DNAJC1: variants seen among roughly 807,000 people sequenced by gnomAD.
DNAJC1 encodes the protein dnaJ homolog subfamily C member 1.
In DNAJC1, 58 loss-of-function variants were observed where a neutral mutation model predicts 76.6. That is an observed-to-expected ratio of 0.76 (90% CI 0.61 to 0.94). The LOEUF (loss-of-function observed/expected upper bound fraction) is 0.94, where lower values mean the gene tolerates loss of function less well. Among genes scored for constraint, DNAJC1 ranks in the 40% least tolerant of loss-of-function variants. DNAJC1 has a pLI of 0.00. For synonymous variants in DNAJC1, 258 were observed against 267.9 expected (o/e 0.96, Z 0.36); for missense variants, 689 against 677.3 (o/e 1.02, Z -0.19).
chr10:21,950,743 T>C (rs897085181), intron 1 of DNAJC1, among the ~76,000 whole-genome samples: 5 of 152,164 alleles, frequency 3.3e-5, no homozygotes, highest in Non-Finnish European at 7.3e-5. Context: ...TGAAAAAGCC[T>C]TAATGCTCAT....
At chr10:21,906,635 G>C (rs1345374948) in intron 6 of DNAJC1, among the ~76,000 whole-genome samples, 1 of 152,088 alleles carries the variant, frequency 6.6e-6, no homozygotes, top group African/African-American at 2.4e-5. Context: ...AGTGAAATAT[G>C]GTGATTAAGA....
At chr10:21,937,199 G>T (rs1274086967) in intron 1 of DNAJC1, among the ~76,000 whole-genome samples, 1 of 152,032 alleles carries the variant, frequency 6.6e-6, no homozygotes, top group African/African-American at 2.4e-5. Flanking sequence ...GGCAAGAGAG[G>T]ATTTACTGTA....
chr10:21,843,768 C>A (rs1268445273), intron 8 of DNAJC1, among the ~76,000 whole-genome samples: 1 of 149,874 alleles, frequency 6.7e-6, no homozygotes, highest in Non-Finnish European at 1.5e-5. Flanking sequence ...AAGAGGAAGT[C>A]TCACTCTGTC....
intron 8 of DNAJC1, among the ~76,000 whole-genome samples, chr10:21,809,617 T>C (rs924162837): frequency 6.6e-6 from 1 of 151,746 alleles, no homozygotes; most frequent in African/African-American, 2.4e-5. Flanking sequence ...ATTAGATGTA[T>C]ATATCTAATA....
intron 8 of DNAJC1, among the ~76,000 whole-genome samples, chr10:21,828,441 G>A (rs1357673820): frequency 6.6e-6 from 1 of 152,210 alleles, no homozygotes; most frequent in Admixed American, 6.5e-5. Flanking sequence ...TTAAGTGAAT[G>A]CTTCAAATAT....
At chr10:21,864,006 C>T (rs1451751256) in intron 8 of DNAJC1, among the ~76,000 whole-genome samples, 1 of 151,550 alleles carries the variant, frequency 6.6e-6, no homozygotes, top group African/African-American at 2.4e-5. Context: ...AATTGAAGAC[C>T]AGCCTAAGGA....
intron 1 of DNAJC1, among the ~76,000 whole-genome samples, chr10:21,961,264 A>G (rs1339816066): frequency 6.6e-6 from 1 of 152,210 alleles, no homozygotes; most frequent in African/African-American, 2.4e-5. Flanking sequence ...TGAAACAGAT[A>G]CTCGTACATC....
At chr10:21,890,796 A>G (rs1836448799) in intron 7 of DNAJC1, among the ~76,000 whole-genome samples, 1 of 152,188 alleles carries the variant, frequency 6.6e-6, no homozygotes, top group African/African-American at 2.4e-5. Flanking sequence ...ATACCCCTAA[A>G]TGTCCAAATT....
rs781740904 is a variant in DNAJC1 at position 21,929,039 on chromosome 10, C to T, written c.324+1G>A. ...TATATATAATAGCATATTTCACTTA[C>T]TTGTCTAAACTGAGTTTCTGCATTT... On this transcript the variant is annotated splice_donor_variant, in intron 2 of 11. Transcript: ENST00000376980. LOFTEE classifies it high-confidence loss of function. The T allele has an allele frequency of 1.9e-6, 3 of 1,581,256 alleles. No individual in the cohort carries two copies. Among genetic ancestry groups the T allele is most frequent in the Non-Finnish European group, 1.7e-6 (2 of 1,156,450 alleles).
At chr10:21,996,928 C>T (rs574121352) in intron 1 of DNAJC1, among the ~76,000 whole-genome samples, 2 of 152,166 alleles carry the variant, frequency 1.3e-5, no homozygotes, top group South Asian at 4.2e-4. Context: ...GCTATGCATG[C>T]CTACATCAGA....
intron 7 of DNAJC1, among the ~76,000 whole-genome samples, chr10:21,903,420 A>C (rs1363569326): frequency 6.6e-6 from 1 of 152,180 alleles, no homozygotes; most frequent in African/African-American, 2.4e-5. Flanking sequence ...ACTCCTTCTT[A>C]ACAGAAGTCT....
intron 2 of DNAJC1, 137 bp downstream of exon 2, chr10:21,928,902 GA>G (rs969781418): frequency 7.6e-5 from 42 of 549,172 alleles, no homozygotes; most frequent in South Asian, 1.6e-4. Flanking sequence ...GTAGAAACTT[GA>G]AAAAAAATAT....
Position 21,771,831 on chromosome 10 carries a change from G to A in DNAJC1, c.1099-5522C>T, listed in dbSNP as rs555106868. On this transcript the variant is annotated intron_variant, in intron 9 of 11. Transcript: ENST00000376980. ...TCTCTTGAGATGATCGTGTGATACT[G>A]CTTTTTATTCTATTGACATGAGGTA... Among the ~76,000 whole-genome samples, 23 of 152,288 alleles carry A rather than the reference G, an allele frequency of 1.5e-4. No homozygotes were observed. In the South Asian group the frequency reaches 4.6e-3, roughly 30 times the overall value.
At chr10:21,890,179 G>C (rs373387917) in intron 7 of DNAJC1, among the ~76,000 whole-genome samples, 1 of 9,696 alleles carries the variant, frequency 1.0e-4, no homozygotes, top group Middle Eastern at 0.019. Flanking sequence ...TGGGAGGCTG[G>C]GGGGGGGTGG....
intron 1 of DNAJC1, among the ~76,000 whole-genome samples, chr10:21,936,838 C>CA (rs1590057110): frequency 6.6e-6 from 1 of 151,536 alleles, no homozygotes; most frequent in Non-Finnish European, 1.5e-5. Context: ...AAACTGAATA[C>CA]AAAAAAGGTA....
Position 21,759,594 on chromosome 10 carries a change from T to C in DNAJC1, c.1172A>G (p.Lys391Arg). The change falls in exon 11 of 12, where the codon AAA (lysine) becomes AGA (arginine). Residue 391 changes from lysine (K) to arginine (R), a missense_variant. By Grantham distance (26) the Lys-to-Arg change is conservative. Coordinates refer to ENST00000376980, the MANE Select transcript of DNAJC1 (RefSeq NM_022365.4). ...SPGMVRLSEL[K>R]STVQNSRPIK... ...GGGCCTGGAATTCTGAACTGTCGAT[T>C]TGAGTTCGGAGAGTCTAACCATTCC... The C allele has an allele frequency of 6.2e-7, 1 of 1,613,936 alleles. No individual in the cohort carries two copies. Among genetic ancestry groups the C allele is most frequent in the Non-Finnish European group, 8.5e-7 (1 of 1,179,998 alleles).
chr10:21,804,897 T>G (rs1834865583), intron 9 of DNAJC1, among the ~76,000 whole-genome samples: 1 of 151,974 alleles, frequency 6.6e-6, no homozygotes, highest in South Asian at 2.1e-4. Flanking sequence ...GTATACCTAA[T>G]CCAAAAGTCT....
chr10:21,786,453 TATATATATATAGAGAG>T (rs1194203566), intron 9 of DNAJC1, among the ~76,000 whole-genome samples: 48 of 76,336 alleles, frequency 6.3e-4, no homozygotes, highest in East Asian at 3.9e-3. Flanking sequence ...TATATATATA[TATATATATATAGAGAG>T]AGAGAGAGAG....
chr10:21,908,483 T>G (rs1836795359), intron 6 of DNAJC1, among the ~76,000 whole-genome samples: 1 of 56,038 alleles, frequency 1.8e-5, no homozygotes, highest in Admixed American at 1.5e-4. Context: ...TCCCTCCCAT[T>G]TTTCATGGGG....
Sources: gnomAD v4.1 joint callset for allele counts (sites outside exome capture counted in the v4.1 genomes callset) on GRCh38, gnomAD v4.1.1 for gene constraint, MANE v1.5 for transcripts, NCBI Gene and HGNC (gene_info 2026-07-23, HGNC 2026-07-21) for gene names.